Variants in THSD7B observed in about 807,000 individuals in gnomAD.
THSD7B encodes thrombospondin type 1 domain containing 7B.
THSD7B carries 138 observed loss-of-function variants against 213.6 expected under a neutral mutation model. That is an observed-to-expected ratio of 0.65 (90% CI 0.56 to 0.74). The LOEUF (loss-of-function observed/expected upper bound fraction) is 0.74, where lower values mean the gene tolerates loss of function less well. Among genes scored for constraint, THSD7B ranks in the 30% least tolerant of loss-of-function variants. The pLI is 0.00. For missense variants in THSD7B, 1,931 were observed against 1,991.5 expected, an observed-to-expected ratio of 0.97 and a Z score of 0.58; for synonymous variants, 742 against 687.0, an observed-to-expected ratio of 1.08 and a Z score of -1.25.
intron 14 of THSD7B, among the ~76,000 whole-genome samples, chr2:137,414,732 T>C (rs1686755411): frequency 6.6e-6 from 1 of 151,512 alleles, no homozygotes; most frequent in African/African-American, 2.4e-5. Context: ...AGTATATGTA[T>C]ATATGTATAT....
At chr2:136,928,428 A>T (rs956253967) in intron 2 of THSD7B, among the ~76,000 whole-genome samples, 1 of 152,176 alleles carries the variant, frequency 6.6e-6, no homozygotes, top group Non-Finnish European at 1.5e-5. Flanking sequence ...AAGCATTTGT[A>T]TAGCGTTTGT....
intron 14 of THSD7B, among the ~76,000 whole-genome samples, chr2:137,420,972 G>C (rs1373402463): frequency 6.6e-6 from 1 of 152,062 alleles, no homozygotes; most frequent in Non-Finnish European, 1.5e-5. Context: ...GCCTCTTCCT[G>C]TGTCTTTAAA....
At chr2:137,193,258 G>T (rs1680695702) in intron 7 of THSD7B, among the ~76,000 whole-genome samples, 1 of 152,146 alleles carries the variant, frequency 6.6e-6, no homozygotes, top group South Asian at 2.1e-4. Flanking sequence ...CATTCATGTG[G>T]ATGTGTAACT....
At chr2:137,323,178 G>A (rs111902798) in intron 12 of THSD7B, among the ~76,000 whole-genome samples, 105 of 152,278 alleles carry the variant, frequency 6.9e-4, no homozygotes, top group African/African-American at 2.4e-3. Context: ...CAGAAATGAC[G>A]GAGTTAAAAA....
chr2:137,471,626 G>A (rs1688097194), intron 15 of THSD7B, among the ~76,000 whole-genome samples: 1 of 152,020 alleles, frequency 6.6e-6, no homozygotes, highest in Non-Finnish European at 1.5e-5. Context: ...GGAAGAGGGT[G>A]CAGTCCCCAG....
chr2:136,840,045 C>T (rs1682899459), intron 1 of THSD7B, among the ~76,000 whole-genome samples: 1 of 152,090 alleles, frequency 6.6e-6, no homozygotes, highest in Admixed American at 6.6e-5. Context: ...AAAATAAGTA[C>T]AAGGCAGATT....
rs189506384 is a variant in THSD7B, at chr2:137,284,048, A to T, written c.2500+8022A>T. Among the ~76,000 whole-genome samples the T allele has an allele frequency of 5.4e-3, 828 of 152,198 alleles. 6 individuals are homozygous for T. The highest frequency in any genetic ancestry group is 0.024 in the Middle Eastern group (7 of 294). ...TGGTCCTGGACTTTTTGTGGTTGGT[A>T]AGCTATTAATTATTGCCTCAATTTC... On this transcript the variant is annotated intron_variant, in intron 12 of 27. Coordinates refer to ENST00000409968, the MANE Select transcript of THSD7B (RefSeq NM_001316349.2).
At chr2:137,391,063 T>A (rs1298460792) in intron 12 of THSD7B, among the ~76,000 whole-genome samples, 1 of 152,080 alleles carries the variant, frequency 6.6e-6, no homozygotes, top group African/African-American at 2.4e-5. Context: ...TTGGTGAAAC[T>A]CATCTGTGAA....
intron 7 of THSD7B, among the ~76,000 whole-genome samples, chr2:137,223,364 T>C (rs1681415460): frequency 1.3e-5 from 2 of 152,164 alleles, no homozygotes; most frequent in African/African-American, 4.8e-5. Context: ...ACACAACATG[T>C]CCAACATTGT....
At chr2:137,259,987 C>G (rs543713384) in intron 10 of THSD7B, among the ~76,000 whole-genome samples, 3 of 151,990 alleles carry the variant, frequency 2.0e-5, no homozygotes, top group Non-Finnish European at 4.4e-5. Flanking sequence ...TTCCTGATTT[C>G]TCTTATCCAG....
At position 137,451,030 on chromosome 2, in the gene THSD7B, T is replaced by G; in HGVS notation, c.3138+7T>G. 2 of 1,558,874 alleles carry G rather than the reference T, an allele frequency of 1.3e-6. No individual in the cohort carries two copies. The highest frequency in any genetic ancestry group is 1.7e-6 in the Non-Finnish European group (2 of 1,155,658). On this transcript the variant is annotated splice_region_variant and intron_variant, in intron 15 of 27. Coordinates refer to ENST00000409968, the MANE Select transcript of THSD7B (RefSeq NM_001316349.2). ...ACTGGATCTCAAGAATCAGGTAAAG[T>G]GCATGAAGCAACAAATAAAAAGCTA...
chr2:137,510,927 T>C (rs1419256824), intron 15 of THSD7B, among the ~76,000 whole-genome samples: 1 of 152,166 alleles, frequency 6.6e-6, no homozygotes, highest in East Asian at 1.9e-4. Flanking sequence ...AAGGGAGGTA[T>C]ACTAACTACT....
chr2:137,047,076 T>C (rs532781422), intron 2 of THSD7B, among the ~76,000 whole-genome samples: 123 of 152,222 alleles, frequency 8.1e-4, no homozygotes, highest in Non-Finnish European at 7.4e-5. Flanking sequence ...AGGACCACAA[T>C]AGGGAAAAGG....
chr2:137,621,490 G>C (rs369125558), intron 20 of THSD7B, among the ~76,000 whole-genome samples: 1 of 152,162 alleles, frequency 6.6e-6, no homozygotes, highest in Non-Finnish European at 1.5e-5. Context: ...ATGCACCATG[G>C]CAAGGAATGC....
intron 12 of THSD7B, among the ~76,000 whole-genome samples, chr2:137,335,055 C>G (rs1299132534): frequency 6.6e-6 from 1 of 152,150 alleles, no homozygotes; most frequent in Non-Finnish European, 1.5e-5. Context: ...AATTAAAGCT[C>G]TTTTCTTTAT....
chr2:137,085,298 A>G (rs1206216133), intron 3 of THSD7B, among the ~76,000 whole-genome samples: 2 of 152,222 alleles, frequency 1.3e-5, no homozygotes, highest in African/African-American at 4.8e-5. Context: ...GCCACATTCT[A>G]ATCCCTAATA....
chr2:137,151,466 A>T (rs1390698721), intron 5 of THSD7B, among the ~76,000 whole-genome samples: 1 of 151,902 alleles, frequency 6.6e-6, no homozygotes, highest in East Asian at 1.9e-4. Flanking sequence ...GGGCAATAAC[A>T]CACATGGAGC....
chr2:137,088,870 ATGT>A (rs1687892259), intron 3 of THSD7B, among the ~76,000 whole-genome samples: 1 of 152,218 alleles, frequency 6.6e-6, no homozygotes, highest in African/African-American at 2.4e-5. Context: ...ATTTGAAAAA[ATGT>A]TGAACATCAC....
At chr2:137,295,491 T>A (rs1683440097) in intron 12 of THSD7B, among the ~76,000 whole-genome samples, 1 of 152,140 alleles carries the variant, frequency 6.6e-6, no homozygotes, top group Non-Finnish European at 1.5e-5. Context: ...TTGTTTTTGT[T>A]TTTGAGATGG....
Sources: gnomAD v4.1 joint callset for allele counts (sites outside exome capture counted in the v4.1 genomes callset) on GRCh38, gnomAD v4.1.1 for gene constraint, MANE v1.5 for transcripts, NCBI Gene and HGNC (gene_info 2026-07-23, HGNC 2026-07-21) for gene names.